The following CEACAM4 variants were observed in gnomAD, a reference collection of about 807,000 sequenced individuals.
CEACAM4 encodes CEA cell adhesion molecule 4.
CEACAM4 carries 30 observed loss-of-function variants against 28.7 expected under a neutral mutation model. The ratio of observed to expected loss-of-function variants is 1.05; its 90% confidence interval spans 0.78 to 1.42. The LOEUF is 1.42. Among genes scored for constraint, CEACAM4 ranks in the 40% most tolerant of loss-of-function variants. The pLI is 0.00. For synonymous variants in CEACAM4, 143 were observed against 126.5 expected (o/e 1.13, Z -0.87); for missense variants, 330 against 308.2 (o/e 1.07, Z -0.53).
downstream of CEACAM4, chr19:41,618,872 C>G (rs2122438017): frequency 6.1e-6 from 1 of 163,864 alleles, no homozygotes; most frequent in Non-Finnish European, 1.3e-5. Flanking sequence ...AGCCTGACTC[C>G]CAACCCCTAT....
intron 2 of CEACAM4, among the ~76,000 whole-genome samples, chr19:41,625,399 A>G (rs1267747451): frequency 1.3e-5 from 2 of 151,648 alleles, no homozygotes; most frequent in Non-Finnish European, 2.9e-5. Context: ...CCCCGCCATC[A>G]GTGTCTGCAG....
At chr19:41,625,337 G>A (rs1446328109) in intron 2 of CEACAM4, among the ~76,000 whole-genome samples, 8 of 152,142 alleles carry the variant, frequency 5.3e-5, no homozygotes, top group Admixed American at 2.6e-4. Flanking sequence ...TTCATGGGGA[G>A]GGCATGGGGT....
the CEACAM4 span, among the ~76,000 whole-genome samples, chr19:41,613,516 C>CAT: frequency 6.6e-6 from 1 of 151,898 alleles, no homozygotes; most frequent in Non-Finnish European, 1.5e-5. Flanking sequence ...CACACACACA[C>CAT]ACATACACCC....
At position 41,626,899 on chromosome 19, in the gene CEACAM4, C is replaced by T. The variant is rs115582444; in HGVS notation, c.64+1G>A. ...CCACTCCCAGAGAGTCCTCCCCTCA[C>T]CTGTGATCAGGAGCCCCTGCCAGGG... On this transcript the variant is annotated splice_donor_variant, in intron 1 of 6. Coordinates refer to ENST00000221954, the MANE Select transcript of CEACAM4 (RefSeq NM_001817.4). LOFTEE classifies it high-confidence loss of function. 6.2e-7 allele frequency: 1 copy of T among 1,611,426 alleles called. No homozygotes were observed.
intron 6 of CEACAM4, 42 bp from the exon 7 acceptor site, chr19:41,619,437 C>T (rs1555800128): frequency 1.2e-6 from 2 of 1,608,784 alleles, no homozygotes; most frequent in South Asian, 2.2e-5. Context: ...GTAGCCTTCT[C>T]AGAACAGTGT....
downstream of CEACAM4, among the ~76,000 whole-genome samples, chr19:41,615,306 G>A (rs1221452655): frequency 1.3e-5 from 2 of 152,020 alleles, no homozygotes; most frequent in African/African-American, 2.4e-5. Flanking sequence ...GCTGTGTCTG[G>A]GAGGGGGAGC....
At chr19:41,625,551 G>T in intron 2 of CEACAM4, 50 bp downstream of exon 2, 1 of 1,538,438 alleles carries the variant, frequency 6.5e-7, no homozygotes, top group Non-Finnish European at 8.7e-7. Flanking sequence ...TCTCATGTGT[G>T]TGAAGCAGAA....
intron 2 of CEACAM4, among the ~76,000 whole-genome samples, chr19:41,623,206 C>T (rs1398694324): frequency 6.6e-6 from 1 of 151,982 alleles, no homozygotes; most frequent in African/African-American, 2.4e-5. Flanking sequence ...TTAGTAGAGA[C>T]GGGGTTTTGC....
intron 2 of CEACAM4, among the ~76,000 whole-genome samples, chr19:41,622,558 G>C (rs1013343143): frequency 6.6e-6 from 1 of 152,178 alleles, no homozygotes; most frequent in African/African-American, 2.4e-5. Flanking sequence ...CCTTGAGGGA[G>C]AGGGGCATCA....
chr19:41,617,995 C>T (rs545120421), downstream of CEACAM4, among the ~76,000 whole-genome samples: 351 of 152,254 alleles, frequency 2.3e-3, 1 homozygote, highest in African/African-American at 8.0e-3. Flanking sequence ...CATCTCAGGA[C>T]GAACAACCTG....
At chr19:41,623,837 A>T (rs1010780852) in intron 2 of CEACAM4, among the ~76,000 whole-genome samples, 8 of 152,060 alleles carry the variant, frequency 5.3e-5, no homozygotes, top group Middle Eastern at 3.2e-3. Flanking sequence ...CCCAGAAAGG[A>T]TAGGGGGGAT....
chr19:41,626,468 G>T (rs12459646), intron 1 of CEACAM4, among the ~76,000 whole-genome samples: 1 of 152,080 alleles, frequency 6.6e-6, no homozygotes, highest in Non-Finnish European at 1.5e-5. Flanking sequence ...GCCTGGCACA[G>T]GCTGCAGACT....
At chr19:41,614,777 G>T (rs2070966980), downstream of CEACAM4, among the ~76,000 whole-genome samples, 1 of 152,136 alleles carries the variant, frequency 6.6e-6, no homozygotes, top group Admixed American at 6.5e-5. Flanking sequence ...GACAGTGAGT[G>T]GTGGGTGTTC....
Position 41,625,616 on chromosome 19 carries a change from G to A in CEACAM4, c.409C>T (p.Gln137Ter). The A allele has an allele frequency of 2.5e-6, 4 of 1,579,138 alleles. No individual in the cohort carries two copies. The highest frequency in any genetic ancestry group is 3.4e-6 in the Non-Finnish European group (4 of 1,160,980). The part of the protein sequence containing the change: ...ASYDSDQATG[Q>*]LHVHQNNVPG... ...AATCACTCACGGTGTACGTGGAGCT[G>A]GCCAGTTGCTTGGTCAGAGTCGTAA... Residue 137 changes from glutamine to a stop codon, truncating the protein, a stop_gained, in exon 2 of 7, where the codon CAG (glutamine) becomes TAG (stop). Transcript: ENST00000221954. LOFTEE classifies it high-confidence loss of function.
At chr19:41,618,193 G>C (rs2071035821), downstream of CEACAM4, among the ~76,000 whole-genome samples, 1 of 152,186 alleles carries the variant, frequency 6.6e-6, no homozygotes, top group African/African-American at 2.4e-5. Context: ...AGATAGGGCT[G>C]TGGGCCAGGG....
At chr19:41,616,295 G>T (rs1049282928), downstream of CEACAM4, among the ~76,000 whole-genome samples, 2 of 152,176 alleles carry the variant, frequency 1.3e-5, no homozygotes, top group African/African-American at 4.8e-5. Flanking sequence ...GCCTCCAAAA[G>T]TGCTGGGACT....
intron 5 of CEACAM4, 102 bp downstream of exon 5, chr19:41,620,109 A>C: frequency 1.9e-6 from 2 of 1,078,762 alleles, no homozygotes; most frequent in Non-Finnish European, 2.6e-6. Context: ...TGTTCTGGGG[A>C]AAGGTGGGTC....
chr19:41,620,108 GA>G, intron 5 of CEACAM4, 102 bp downstream of exon 5: 2 of 1,084,548 alleles, frequency 1.8e-6, no homozygotes, highest in Non-Finnish European at 2.6e-6. Context: ...CTGTTCTGGG[GA>G]AAGGTGGGTC....
At chr19:41,616,208 T>C (rs1172394074), downstream of CEACAM4, among the ~76,000 whole-genome samples, 1 of 151,978 alleles carries the variant, frequency 6.6e-6, no homozygotes, top group Non-Finnish European at 1.5e-5. Context: ...TTTTTTGTAT[T>C]TTTAGTAGAG....
Sources: gnomAD v4.1 joint callset for allele counts (sites outside exome capture counted in the v4.1 genomes callset) on GRCh38, gnomAD v4.1.1 for gene constraint, MANE v1.5 for transcripts, NCBI Gene and HGNC (gene_info 2026-07-23, HGNC 2026-07-21) for gene names.